The following ABCA13 variants were observed in gnomAD, a reference collection of about 807,000 sequenced individuals.
The protein encoded by ABCA13 is ATP binding cassette subfamily A member 13.
Under a neutral mutation model 478.7 loss-of-function variants are expected in ABCA13, and 476 were observed. The observed-to-expected ratio is 0.99, with a 90% CI of 0.92 to 1.07. The LOEUF (loss-of-function observed/expected upper bound fraction) is 1.07, where lower values mean the gene tolerates loss of function less well. Ranked by LOEUF, ABCA13 falls within the 50% of genes least tolerant of loss-of-function variation. The pLI is 0.00. For synonymous variants in ABCA13, 2,252 were observed against 2,158.9 expected, an observed-to-expected ratio of 1.04 and a Z score of -1.20; for missense variants, 6,060 against 5,910.6, an observed-to-expected ratio of 1.03 and a Z score of -0.83.
chr7:48,406,792 G>C (rs1818319329), intron 39 of ABCA13, among the ~76,000 whole-genome samples: 2 of 152,106 alleles, frequency 1.3e-5, no homozygotes, highest in Non-Finnish European at 2.9e-5. Context: ...AGAATCACTT[G>C]AACCCGGGAG....
intron 55 of ABCA13, among the ~76,000 whole-genome samples, chr7:48,577,771 C>T (rs1404548255): frequency 2.6e-5 from 4 of 151,896 alleles, no homozygotes; most frequent in Admixed American, 6.6e-5. Context: ...AAGGGCATTA[C>T]AAGAAAGGAA....
intron 41 of ABCA13, among the ~76,000 whole-genome samples, chr7:48,422,794 T>A (rs994643221): frequency 1.3e-5 from 2 of 152,198 alleles, no homozygotes; most frequent in African/African-American, 2.4e-5. Context: ...TGGGTGGACT[T>A]GATGTAATCA....
chr7:48,429,811 A>T (rs1273752325), intron 42 of ABCA13, among the ~76,000 whole-genome samples: 1 of 152,186 alleles, frequency 6.6e-6, no homozygotes, highest in Non-Finnish European at 1.5e-5. Flanking sequence ...GCATCTATTG[A>T]GATGATCATT....
intron 55 of ABCA13, among the ~76,000 whole-genome samples, chr7:48,574,082 G>A (rs946690487): frequency 9.9e-5 from 15 of 151,890 alleles, no homozygotes; most frequent in African/African-American, 3.6e-4. Context: ...ATATTCCAAG[G>A]CATGGGGAGT....
chr7:48,245,847 C>CTTA lies in ABCA13; in HGVS notation c.1492-12_1492-10dup. The CTTA allele has an allele frequency of 6.2e-7, 1 of 1,604,904 alleles. No homozygotes were observed. Among genetic ancestry groups the CTTA allele is most frequent in the Non-Finnish European group, 8.5e-7 (1 of 1,175,212 alleles). On this transcript the variant is annotated splice_polypyrimidine_tract_variant and intron_variant, in intron 12 of 61. Coordinates refer to ENST00000435803, the MANE Select transcript of ABCA13 (RefSeq NM_152701.5). Reference sequence around the variant, plus strand: ...TCTTTAAATGTTACTCCTTCCCACTCTTATTAATCTTTTAGATGTTGGCGA... The same window carrying CTTA: ...TCTTTAAATGTTACTCCTTCCCACTCTTATTATTAATCTTTTAGATGTTGGCGA...
chr7:48,374,054 T>C (rs187503545), intron 33 of ABCA13, among the ~76,000 whole-genome samples: 1 of 152,242 alleles, frequency 6.6e-6, no homozygotes, highest in African/African-American at 2.4e-5. Flanking sequence ...CTGTTTTGTG[T>C]TACACATTTC....
chr7:48,531,795 C>T (rs1217261793), intron 55 of ABCA13, among the ~76,000 whole-genome samples: 3 of 141,098 alleles, frequency 2.1e-5, no homozygotes, highest in East Asian at 4.1e-4. Flanking sequence ...TTTGATTCTC[C>T]GTTTGGTTGC....
chr7:48,414,621 A>G (rs952059498), intron 41 of ABCA13, among the ~76,000 whole-genome samples: 1 of 150,902 alleles, frequency 6.6e-6, no homozygotes, highest in Non-Finnish European at 1.5e-5. Context: ...ACATGTAATA[A>G]TACATAGATA....
Position 48,212,990 on chromosome 7 carries a change from T to C in ABCA13, c.288-6364T>C, listed in dbSNP as rs192706229. 2.9e-3 allele frequency among the ~76,000 whole-genome samples: 448 copies of C among 152,276 alleles called. 4 individuals are homozygous for C. The highest frequency in any genetic ancestry group is 7.8e-3 in the Admixed American group (119 of 15,296). On this transcript the variant is annotated intron_variant, in intron 3 of 61. Transcript: ENST00000435803. ...TGTGTTTTTCTTTAACAAAGAAATA[T>C]TTGCCTAATATTTTTGAAGATTGTT...
At chr7:48,476,571 C>A (rs1828115923) in intron 45 of ABCA13, among the ~76,000 whole-genome samples, 1 of 152,170 alleles carries the variant, frequency 6.6e-6, no homozygotes, top group East Asian at 1.9e-4. Flanking sequence ...GGGTTACTTA[C>A]TCCAATGGTT....
intron 31 of ABCA13, among the ~76,000 whole-genome samples, chr7:48,352,716 A>G (rs998851943): frequency 3.3e-5 from 5 of 152,120 alleles, no homozygotes; most frequent in African/African-American, 7.3e-5. Flanking sequence ...TAAATTTGAC[A>G]TCAGGCATCA....
At chr7:48,397,499 G>T (rs1054946725) in intron 38 of ABCA13, among the ~76,000 whole-genome samples, 116 of 151,746 alleles carry the variant, frequency 7.6e-4, no homozygotes, top group Non-Finnish European at 1.3e-3. Context: ...GAATATGGTA[G>T]AGGCACATAT....
chr7:48,216,364 T>C (rs1202662301), intron 3 of ABCA13, among the ~76,000 whole-genome samples: 1 of 152,230 alleles, frequency 6.6e-6, no homozygotes. Flanking sequence ...AATCTTTTTA[T>C]GTAGTTTTTG....
chr7:48,454,255 G>T (rs1256995177), intron 42 of ABCA13, among the ~76,000 whole-genome samples: 3 of 152,154 alleles, frequency 2.0e-5, no homozygotes, highest in Non-Finnish European at 2.9e-5. Context: ...CTCTGTCTCT[G>T]CTCCCAGCTT....
intron 29 of ABCA13, among the ~76,000 whole-genome samples, chr7:48,348,521 G>T (rs867773105): frequency 6.6e-6 from 1 of 152,198 alleles, no homozygotes; most frequent in Non-Finnish European, 1.5e-5. Context: ...TCCAATGAGC[G>T]TGTTTTATTC....
chr7:48,583,221 T>C (rs1277882100), intron 56 of ABCA13, among the ~76,000 whole-genome samples: 1 of 152,172 alleles, frequency 6.6e-6, no homozygotes, highest in South Asian at 2.1e-4. Flanking sequence ...GACATGACTT[T>C]TATATTTAAG....
At chr7:48,222,472 G>A (rs1367859126) in intron 5 of ABCA13, among the ~76,000 whole-genome samples, 1 of 152,082 alleles carries the variant, frequency 6.6e-6, no homozygotes, top group Non-Finnish European at 1.5e-5. Flanking sequence ...TATAATACAA[G>A]GGAAATAAAA....
intron 43 of ABCA13, among the ~76,000 whole-genome samples, chr7:48,459,769 TCAAA>T (rs1235410170): frequency 9.2e-5 from 14 of 152,180 alleles, no homozygotes; most frequent in Non-Finnish European, 2.1e-4. Flanking sequence ...ATGAAATGTA[TCAAA>T]AATGTCTTCC....
At chr7:48,641,884 T>C (rs1795125426) in intron 59 of ABCA13, among the ~76,000 whole-genome samples, 1 of 152,148 alleles carries the variant, frequency 6.6e-6, no homozygotes, top group South Asian at 2.1e-4. Flanking sequence ...GTTGATCGTG[T>C]TATTCAGCAG....
Sources: allele counts gnomAD v4.1 joint callset (sites outside exome capture counted in the v4.1 genomes callset), GRCh38; gene constraint gnomAD v4.1.1; transcripts MANE v1.5; gene names NCBI Gene and HGNC (gene_info 2026-07-23, HGNC 2026-07-21).